Variants in CFAP299 observed in about 807,000 individuals in gnomAD.
CFAP299 encodes the protein cilia- and flagella-associated protein 299.
In CFAP299, 21 loss-of-function variants were observed where a neutral mutation model predicts 27.0. The ratio of observed to expected loss-of-function variants is 0.78; its 90% CI spans 0.55 to 1.12. The LOEUF is 1.12. Ranked by LOEUF, CFAP299 falls within the 50% of genes most tolerant of loss-of-function variation. CFAP299 has a pLI of 0.00. For missense variants in CFAP299, 310 were observed against 276.6 expected (o/e 1.12, Z -0.86); for synonymous variants, 104 against 98.1 (o/e 1.06, Z -0.36).
At chr4:80,953,369 T>C (rs184849833) in intron 5 of CFAP299, among the ~76,000 whole-genome samples, 1 of 152,304 alleles carries the variant, frequency 6.6e-6, no homozygotes, top group East Asian at 1.9e-4. Flanking sequence ...GTTTGGTTGA[T>C]TATAGCCCTA....
chr4:80,837,219 A>G (rs576258610), intron 3 of CFAP299, among the ~76,000 whole-genome samples: 9 of 152,246 alleles, frequency 5.9e-5, no homozygotes, highest in African/African-American at 2.2e-4. Flanking sequence ...TTTACCTGTA[A>G]TTCTTCTTAT....
intron 3 of CFAP299, among the ~76,000 whole-genome samples, chr4:80,724,862 C>T (rs1002309246): frequency 1.4e-5 from 2 of 147,834 alleles, no homozygotes; most frequent in Non-Finnish European, 3.0e-5. Flanking sequence ...TCCTTCCTTT[C>T]CTTCCTTCTT....
chr4:80,766,316 G>A (rs1003016172), intron 3 of CFAP299, among the ~76,000 whole-genome samples: 1 of 152,116 alleles, frequency 6.6e-6, no homozygotes, highest in African/African-American at 2.4e-5. Flanking sequence ...GAATACTGGA[G>A]TAAGCTAAAC....
At chr4:80,545,706 A>G (rs1734193700) in intron 2 of CFAP299, among the ~76,000 whole-genome samples, 1 of 152,196 alleles carries the variant, frequency 6.6e-6, no homozygotes, top group Admixed American at 6.5e-5. Context: ...AACCATTGCA[A>G]AAAATCAAGG....
chr4:80,448,048 T>C (rs1578455473), intron 2 of CFAP299, among the ~76,000 whole-genome samples: 1 of 152,220 alleles, frequency 6.6e-6, no homozygotes, highest in East Asian at 1.9e-4. Flanking sequence ...CAGTCAGCAA[T>C]CTGTAGAACA....
At chr4:80,902,606 C>CACAT (rs1734984172) in intron 4 of CFAP299, among the ~76,000 whole-genome samples, 3 of 148,172 alleles carry the variant, frequency 2.0e-5, no homozygotes, top group Admixed American at 6.8e-5. Flanking sequence ...CACACACACA[C>CACAT]ACACACACAC....
intron 2 of CFAP299, among the ~76,000 whole-genome samples, chr4:80,483,010 G>C (rs768854916): frequency 6.6e-6 from 1 of 152,106 alleles, no homozygotes; most frequent in Non-Finnish European, 1.5e-5. Context: ...ATAGCAAAAC[G>C]GAACTAAGGT....
At chr4:80,896,473 C>G (rs1015134709) in intron 4 of CFAP299, among the ~76,000 whole-genome samples, 2 of 152,110 alleles carry the variant, frequency 1.3e-5, no homozygotes, top group Non-Finnish European at 2.9e-5. Flanking sequence ...GAGCTTTCTA[C>G]TCTTCAGATC....
chr4:80,508,001 T>C (rs903867377), intron 2 of CFAP299, among the ~76,000 whole-genome samples: 3 of 152,184 alleles, frequency 2.0e-5, no homozygotes, highest in Admixed American at 1.3e-4. Flanking sequence ...TTAGCTGTTA[T>C]ACAGGGATAA....
chr4:80,707,660 A>G (rs1355830087), intron 3 of CFAP299, among the ~76,000 whole-genome samples: 2 of 152,070 alleles, frequency 1.3e-5, no homozygotes, highest in Non-Finnish European at 2.9e-5. Context: ...CTGTAGCCCA[A>G]TACCTCACCT....
chr4:80,643,269 C>G (rs1739822199), intron 3 of CFAP299, among the ~76,000 whole-genome samples: 1 of 152,124 alleles, frequency 6.6e-6, no homozygotes, highest in Admixed American at 6.6e-5. Context: ...TCCTTGGTGA[C>G]TTTCTAAAGA....
intron 2 of CFAP299, among the ~76,000 whole-genome samples, chr4:80,562,645 G>A (rs554579090): frequency 2.0e-4 from 29 of 145,440 alleles, no homozygotes; most frequent in South Asian, 6.5e-4. Flanking sequence ...GCAATACAGC[G>A]AGACTCAATT....
chr4:80,693,285 T>C (rs1289829876), intron 3 of CFAP299, among the ~76,000 whole-genome samples: 4 of 151,958 alleles, frequency 2.6e-5, no homozygotes. Context: ...TAGCAAAGAC[T>C]TGGAACCAAC....
chr4:80,347,528 A>G (rs1722794685), intron 1 of CFAP299, among the ~76,000 whole-genome samples: 2 of 152,182 alleles, frequency 1.3e-5, no homozygotes, highest in Admixed American at 1.3e-4. Flanking sequence ...ACTCTCATTT[A>G]CAATTGCTAT....
intron 3 of CFAP299, among the ~76,000 whole-genome samples, chr4:80,685,211 T>C (rs192142178): frequency 2.0e-5 from 3 of 152,342 alleles, no homozygotes; most frequent in African/African-American, 7.2e-5. Flanking sequence ...GGAGTTTTCA[T>C]TACTTATTCT....
At chr4:80,529,240 T>A (rs1290402854) in intron 2 of CFAP299, among the ~76,000 whole-genome samples, 1 of 152,168 alleles carries the variant, frequency 6.6e-6, no homozygotes, top group Non-Finnish European at 1.5e-5. Flanking sequence ...ATGGTTTTTT[T>A]TTCTCTGCCT....
intron 3 of CFAP299, among the ~76,000 whole-genome samples, chr4:80,636,229 C>T (rs1739460603): frequency 2.0e-5 from 3 of 152,132 alleles, no homozygotes; most frequent in South Asian, 4.1e-4. Flanking sequence ...GATCAGCAGC[C>T]TTAACTTTCA....
At chr4:80,940,692 A>G (rs1737147642) in intron 4 of CFAP299, among the ~76,000 whole-genome samples, 1 of 152,120 alleles carries the variant, frequency 6.6e-6, no homozygotes, top group South Asian at 2.1e-4. Context: ...CATTTCACAA[A>G]AAGTTACCTT....
intron 3 of CFAP299, among the ~76,000 whole-genome samples, chr4:80,713,392 A>G (rs1220145741): frequency 2.0e-5 from 3 of 152,218 alleles, no homozygotes; most frequent in Non-Finnish European, 4.4e-5. Context: ...GTAAGATGCC[A>G]GGCAATAGAC....
Sources: allele counts gnomAD v4.1 joint callset (sites outside exome capture counted in the v4.1 genomes callset), GRCh38; gene constraint gnomAD v4.1.1; transcripts MANE v1.5; gene names NCBI Gene and HGNC (gene_info 2026-07-23, HGNC 2026-07-21).